Variants in SAMMSON observed in about 807,000 individuals in gnomAD.
SAMMSON encodes the protein long intergenic non-protein coding RNA 1212.
intron 9 of SAMMSON, among the ~76,000 whole-genome samples, chr3:70,380,654 T>C (rs1179322796): frequency 6.6e-6 from 1 of 152,172 alleles, no homozygotes; most frequent in East Asian, 1.9e-4. Context: ...AACTCGTCAT[T>C]TAACATTAGG....
rs534541087 is a variant in SAMMSON, at chr3:70,350,189, G to T, written n.740-3986G>T. Among the ~76,000 whole-genome samples the T allele has an allele frequency of 9.9e-5, 15 of 152,216 alleles. No homozygotes were observed. The East Asian group carries it at 2.9e-3, about 29-fold the overall frequency. On this transcript the variant is annotated intron_variant and non_coding_transcript_variant, in intron 7 of 9. Coordinates refer to ENST00000642114, the Ensembl canonical transcript of SAMMSON. The stretch of plus-strand genomic sequence containing the variant: ...CTAAAATCTCCAGAATGCAAAAAGT[G>T]TTCCTCAAAGTTATTAATTGAAAAT...
intron 4 of SAMMSON, among the ~76,000 whole-genome samples, chr3:70,096,246 G>A (rs974118012): frequency 6.6e-6 from 1 of 152,140 alleles, no homozygotes; most frequent in Non-Finnish European, 1.5e-5. Flanking sequence ...ATCTAAGCTA[G>A]CAAGTTAGAC....
At chr3:70,072,488 T>C (rs574940370) in intron 4 of SAMMSON, 7 of 151,652 alleles carry the variant, frequency 4.6e-5, no homozygotes, top group Non-Finnish European at 7.4e-5. Context: ...CCCTTCATTC[T>C]GTGAGTTGTG....
intron 4 of SAMMSON, among the ~76,000 whole-genome samples, chr3:70,244,007 C>A (rs1459289837): frequency 1.3e-5 from 2 of 152,102 alleles, no homozygotes; most frequent in East Asian, 3.9e-4. Flanking sequence ...CTTTCATCTC[C>A]CCTCTACGCA....
intron 4 of SAMMSON, among the ~76,000 whole-genome samples, chr3:70,234,639 C>CAA (rs34609524): frequency 3.4e-5 from 4 of 118,916 alleles, no homozygotes; most frequent in Admixed American, 2.6e-4. Context: ...GACCCTGGCT[C>CAA]AAAAAAAAAA....
intron 7 of SAMMSON, among the ~76,000 whole-genome samples, chr3:70,325,636 T>C (rs147706415): frequency 8.5e-5 from 13 of 152,268 alleles, no homozygotes; most frequent in African/African-American, 2.9e-4. Context: ...ACTATTACTC[T>C]ATCTGTCCCT....
intron 3 of SAMMSON, among the ~76,000 whole-genome samples, chr3:70,063,661 T>G (rs1407684182): frequency 1.3e-5 from 2 of 152,140 alleles, no homozygotes; most frequent in African/African-American, 4.8e-5. Flanking sequence ...TTTGCTGACT[T>G]TGTTTCCTTC....
intron 3 of SAMMSON, chr3:70,014,570 G>C (rs1270130499): frequency 6.6e-6 from 1 of 152,122 alleles, no homozygotes; most frequent in Non-Finnish European, 1.5e-5. Context: ...AGTTCTGTAG[G>C]TTATGGGTGA....
intron 4 of SAMMSON, among the ~76,000 whole-genome samples, chr3:70,092,630 G>T (rs1369815872): frequency 6.6e-6 from 1 of 151,954 alleles, no homozygotes; most frequent in South Asian, 2.1e-4. Context: ...CCAAGCTGGG[G>T]CCCTGCATAA....
chr3:70,124,814 C>CAAAAAAAAAAAAAAAAAAAAAA (rs1208323683), intron 4 of SAMMSON, among the ~76,000 whole-genome samples: 1 of 53,692 alleles, frequency 1.9e-5, no homozygotes, highest in African/African-American at 7.3e-5. Context: ...GACTCCATCT[C>CAAAAAAAAAAAAAAAAAAAAAA]AAAAAAAAAA....
intron 4 of SAMMSON, among the ~76,000 whole-genome samples, chr3:70,193,729 C>A (rs1253704297): frequency 6.6e-6 from 1 of 152,070 alleles, no homozygotes; most frequent in African/African-American, 2.4e-5. Context: ...ATTTGATGGG[C>A]AAAATTCTTG....
At chr3:70,320,349 AG>A (rs1702527755) in intron 7 of SAMMSON, among the ~76,000 whole-genome samples, 1 of 152,050 alleles carries the variant, frequency 6.6e-6, no homozygotes, top group African/African-American at 2.4e-5. Flanking sequence ...GAGCAAAGCA[AG>A]GGGGGAATTA....
chr3:70,395,331 C>CTCTTT (rs764856088), intron 2 of SAMMSON, among the ~76,000 whole-genome samples: 22 of 113,620 alleles, frequency 1.9e-4, no homozygotes, highest in Middle Eastern at 4.8e-3. Flanking sequence ...CTCTCTCTCT[C>CTCTTT]TTTTTTTTTT....
At chr3:70,261,789 C>T (rs1701868594) in intron 6 of SAMMSON, among the ~76,000 whole-genome samples, 1 of 152,086 alleles carries the variant, frequency 6.6e-6, no homozygotes, top group South Asian at 2.1e-4. Context: ...CATTTGAAAC[C>T]AAGATTTCCT....
chr3:70,246,291 C>T lies in SAMMSON; in HGVS notation n.508-2816C>T, dbSNP rs190975641. ...AAAGGATAAAGGTCACACTTTGTTA[C>T]TTGAGCAACATGTCAGAAACAGTTT... On this transcript the variant is annotated intron_variant and non_coding_transcript_variant, in intron 4 of 9. Transcript: ENST00000642114. 1.6e-4 allele frequency among the ~76,000 whole-genome samples: 25 copies of T among 152,182 alleles called. No homozygotes were observed. In the East Asian group the frequency reaches 4.8e-3, roughly 29 times the overall value.
intron 9 of SAMMSON, among the ~76,000 whole-genome samples, chr3:70,367,432 A>T (rs1048341408): frequency 2.6e-5 from 4 of 151,542 alleles, no homozygotes; most frequent in African/African-American, 9.7e-5. Flanking sequence ...TAAAACAAAG[A>T]GATCAACTTT....
chr3:70,028,081 C>CT, intron 3 of SAMMSON, among the ~76,000 whole-genome samples: 2 of 150,220 alleles, frequency 1.3e-5, no homozygotes, highest in South Asian at 4.2e-4. Flanking sequence ...GCCTGCCTTC[C>CT]TTCTTTCCTT....
At chr3:70,278,046 C>A (rs1702044561) in intron 6 of SAMMSON, among the ~76,000 whole-genome samples, 1 of 152,100 alleles carries the variant, frequency 6.6e-6, no homozygotes, top group Non-Finnish European at 1.5e-5. Context: ...TAACCACCAC[C>A]CCATCAAGAT....
chr3:70,031,286 A>C (rs945009368), intron 3 of SAMMSON, among the ~76,000 whole-genome samples: 4 of 152,062 alleles, frequency 2.6e-5, no homozygotes, highest in African/African-American at 9.7e-5. Flanking sequence ...AATAAGCCAG[A>C]CAAAGGACAA....
Sources: allele counts gnomAD v4.1 joint callset (sites outside exome capture counted in the v4.1 genomes callset), GRCh38; gene constraint gnomAD v4.1.1; transcripts MANE v1.5; gene names NCBI Gene and HGNC (gene_info 2026-07-23, HGNC 2026-07-21).